CCBE1: variants seen among roughly 807,000 people sequenced by gnomAD.
CCBE1 encodes the protein collagen and calcium binding EGF domains 1, also known as collagen and calcium-binding EGF domain-containing protein 1.
Under a neutral mutation model 50.0 loss-of-function variants are expected in CCBE1, and 37 were observed. The ratio of observed to expected loss-of-function variants is 0.74; its 90% CI spans 0.57 to 0.97. The LOEUF is 0.97. CCBE1 is among the 50% of genes least tolerant of loss of function. The probability of loss-of-function intolerance (pLI) is 0.00; values close to 1 mark genes in which losing one functional copy is unlikely to be tolerated. For missense variants in CCBE1, 538 were observed against 523.8 expected, an observed-to-expected ratio of 1.03 and a Z score of -0.26; for synonymous variants, 234 against 203.7, an observed-to-expected ratio of 1.15 and a Z score of -1.27.
At chr18:59,577,676 C>A (rs1049906842) in intron 2 of CCBE1, among the ~76,000 whole-genome samples, 2 of 152,116 alleles carry the variant, frequency 1.3e-5, no homozygotes, top group South Asian at 4.1e-4. Context: ...GTTAGCGGTT[C>A]AACAAACGAG....
In CCBE1 at chr18:59,597,331, T is replaced by C. The variant is rs1470598079; in HGVS notation, c.212+99298A>G. ...ATGCTCCACTGATATTAGGTATTAG[T>C]CAACGTAATGCGGAGTCAGGAAAGG... On this transcript the variant is annotated intron_variant, in intron 2 of 10. Transcript: ENST00000439986. 3.3e-5 allele frequency among the ~76,000 whole-genome samples: 5 copies of C among 152,342 alleles called. No individual in the cohort carries two copies. In the East Asian group the frequency reaches 9.6e-4, roughly 29 times the overall value.
At chr18:59,685,301 T>C (rs2054640835) in intron 2 of CCBE1, among the ~76,000 whole-genome samples, 1 of 152,092 alleles carries the variant, frequency 6.6e-6, no homozygotes, top group African/African-American at 2.4e-5. Flanking sequence ...TCCATTCTCC[T>C]ATTAGTCCCT....
chr18:59,436,570 C>T (rs11152144), intron 10 of CCBE1, among the ~76,000 whole-genome samples: 121,637 of 152,162 alleles, frequency 0.8, 48,667 homozygotes, highest in South Asian at 0.87. Context: ...ATCTGTAAAA[C>T]GGGGATAATA....
intron 2 of CCBE1, among the ~76,000 whole-genome samples, chr18:59,689,151 G>A (rs1018129564): frequency 2.6e-5 from 4 of 152,158 alleles, no homozygotes; most frequent in African/African-American, 9.7e-5. Context: ...AAACTCCCAG[G>A]ATTAGACGCT....
intron 2 of CCBE1, among the ~76,000 whole-genome samples, chr18:59,507,716 A>G (rs149164625): frequency 3.9e-5 from 6 of 152,262 alleles, no homozygotes; most frequent in African/African-American, 1.4e-4. Context: ...AACCAAATGA[A>G]CTGAAAGCAT....
At chr18:59,565,170 T>C (rs1337446041) in intron 2 of CCBE1, among the ~76,000 whole-genome samples, 1 of 152,118 alleles carries the variant, frequency 6.6e-6, no homozygotes, top group Non-Finnish European at 1.5e-5. Context: ...GTGGTCTTCT[T>C]GGTTAACTCT....
At chr18:59,685,892 G>A (rs2054647551) in intron 2 of CCBE1, 1 of 152,222 alleles carries the variant, frequency 6.6e-6, no homozygotes, top group Non-Finnish European at 1.5e-5. Context: ...AATTGTGATT[G>A]GGTAGGTCTG....
chr18:59,436,163 A>G, intron 10 of CCBE1, 22 bp from the exon 11 acceptor site: 1 of 1,608,764 alleles, frequency 6.2e-7, no homozygotes, highest in Non-Finnish European at 8.5e-7. Context: ...GGAGGAATCA[A>G]AGCTAGAATA....
intron 2 of CCBE1, among the ~76,000 whole-genome samples, chr18:59,613,885 T>C (rs2144589457): frequency 1.4e-5 from 2 of 143,168 alleles, no homozygotes; most frequent in South Asian, 4.5e-4. Context: ...TTTTTTTTTT[T>C]TGGCAGGGGG....
At chr18:59,668,159 T>A (rs553554744) in intron 2 of CCBE1, among the ~76,000 whole-genome samples, 5 of 152,014 alleles carry the variant, frequency 3.3e-5, no homozygotes, top group Non-Finnish European at 7.4e-5. Context: ...GTGGCTCATG[T>A]CTGTAATCCC....
intron 2 of CCBE1, among the ~76,000 whole-genome samples, chr18:59,539,415 G>A (rs774464926): frequency 5.3e-5 from 8 of 152,144 alleles, no homozygotes; most frequent in East Asian, 3.9e-4. Context: ...ATAACCATAT[G>A]AGCCTGGAAG....
At position 59,494,281 on chromosome 18, in the gene CCBE1, G is replaced by A. The variant is rs544745296; in HGVS notation, c.213-14043C>T. On this transcript the variant is annotated intron_variant, in intron 2 of 10. Coordinates refer to ENST00000439986, the MANE Select transcript of CCBE1 (RefSeq NM_133459.4). Reference sequence around the variant, plus strand: ...TTCACTACCAGCCCTGCCCCTCCAGGGTGGCCCAAATCCACTTTCTCTGTT... The same window carrying A: ...TTCACTACCAGCCCTGCCCCTCCAGAGTGGCCCAAATCCACTTTCTCTGTT... Among the ~76,000 whole-genome samples the A allele has an allele frequency of 1.4e-4, 21 of 152,260 alleles. 1 individual carries two copies. The South Asian group carries it at 4.4e-3, about 32-fold the overall frequency.
chr18:59,634,277 T>C (rs921260280), intron 2 of CCBE1, among the ~76,000 whole-genome samples: 10 of 152,194 alleles, frequency 6.6e-5, no homozygotes, highest in Non-Finnish European at 7.3e-5. Flanking sequence ...ACTTACTCAT[T>C]TGGGCCTTAG....
At chr18:59,600,121 A>C (rs1489323413) in intron 2 of CCBE1, among the ~76,000 whole-genome samples, 1 of 152,120 alleles carries the variant, frequency 6.6e-6, no homozygotes, top group Non-Finnish European at 1.5e-5. Context: ...GTCCCCAACC[A>C]CTGGGCCATG....
At chr18:59,544,969 A>G (rs1915624373) in intron 2 of CCBE1, among the ~76,000 whole-genome samples, 1 of 152,242 alleles carries the variant, frequency 6.6e-6, no homozygotes, top group South Asian at 2.1e-4. Flanking sequence ...GACAAAACAG[A>G]ATATATGAAG....
At position 59,658,648 on chromosome 18, in the gene CCBE1, G is replaced by A. The variant is rs533274084; in HGVS notation, c.212+37981C>T. ...TGTAATCCCAGCACTTTGGGAGGCC[G>A]AGGCAGGCAGATCACAAGGTCAAGA... On this transcript the variant is annotated intron_variant, in intron 2 of 10. Transcript: ENST00000439986. 2.7e-5 allele frequency among the ~76,000 whole-genome samples: 4 copies of A among 150,536 alleles called. No individual in the cohort carries two copies. In the East Asian group the frequency reaches 5.9e-4, roughly 22 times the overall value.
intron 5 of CCBE1, 136 bp downstream of exon 5, chr18:59,466,603 T>C (rs1485438045): frequency 1.0e-5 from 4 of 383,526 alleles, no homozygotes; most frequent in Non-Finnish European, 1.6e-5. Flanking sequence ...TAAAATTACA[T>C]AGCATAATTA....
chr18:59,468,760 T>G (rs1419316302), intron 4 of CCBE1, among the ~76,000 whole-genome samples: 2 of 152,166 alleles, frequency 1.3e-5, no homozygotes, highest in Non-Finnish European at 2.9e-5. Context: ...TAGGAATCAT[T>G]AGAGGCATTG....
At chr18:59,542,276 A>ACTGAATG (rs376065354) in intron 2 of CCBE1, among the ~76,000 whole-genome samples, 93,468 of 151,782 alleles carry the variant, frequency 0.62, 29,300 homozygotes, top group African/African-American at 0.7. Flanking sequence ...TCAGGTAGAA[A>ACTGAATG]TCTTAATAAA....
Sources: allele counts gnomAD v4.1 joint callset (sites outside exome capture counted in the v4.1 genomes callset), GRCh38; gene constraint gnomAD v4.1.1; transcripts MANE v1.5; gene names NCBI Gene and HGNC (gene_info 2026-07-23, HGNC 2026-07-21).